Variants in SHISA9 observed in about 807,000 individuals in gnomAD.
The protein encoded by SHISA9 is shisa family member 9.
A neutral mutation model predicts 38.0 loss-of-function variants in SHISA9; 13 were observed. That is an observed-to-expected ratio of 0.34 (90% CI 0.22 to 0.54). SHISA9 has a LOEUF of 0.54. SHISA9 is among the 20% of genes least tolerant of loss of function. SHISA9 has a pLI of 0.91. For missense variants in SHISA9, 538 were observed against 575.8 expected (o/e 0.93, Z 0.67); for synonymous variants, 275 against 242.0 (o/e 1.14, Z -1.27).
chr16:13,145,646 A>C (rs1005726880), intron 2 of SHISA9, among the ~76,000 whole-genome samples: 3 of 152,212 alleles, frequency 2.0e-5, no homozygotes, highest in African/African-American at 7.2e-5. Flanking sequence ...ATTTTTGTTG[A>C]GAGAATTAAA....
the SHISA9 span, among the ~76,000 whole-genome samples, chr16:13,279,870 G>A: frequency 6.6e-6 from 1 of 151,756 alleles, no homozygotes; most frequent in African/African-American, 2.4e-5. Context: ...CTCCAGTAAT[G>A]CTCTTTGTAT....
chr16:12,972,035 T>C (rs1391977672), intron 2 of SHISA9, among the ~76,000 whole-genome samples: 1 of 106,016 alleles, frequency 9.4e-6, no homozygotes, highest in Non-Finnish European at 2.1e-5. Flanking sequence ...TCTGCTCTCT[T>C]GGAGTTTGTG....
chr16:13,003,204 C>A (rs993226032), intron 2 of SHISA9, among the ~76,000 whole-genome samples: 1 of 152,168 alleles, frequency 6.6e-6, no homozygotes, highest in African/African-American at 2.4e-5. Flanking sequence ...TCAAACCCTG[C>A]AGGTCTTGTA....
chr16:12,980,463 A>T (rs760957201), intron 2 of SHISA9, among the ~76,000 whole-genome samples: 1 of 152,086 alleles, frequency 6.6e-6, no homozygotes, highest in Non-Finnish European at 1.5e-5. Context: ...TGACATCAAG[A>T]TAATTTCTTT....
chr16:13,030,568 C>G (rs563573476), intron 2 of SHISA9, among the ~76,000 whole-genome samples: 7 of 152,254 alleles, frequency 4.6e-5, no homozygotes, highest in South Asian at 2.1e-4. Flanking sequence ...GATTTCAGAG[C>G]CTGCTTCTTA....
chr16:13,316,467 C>G, the SHISA9 span, among the ~76,000 whole-genome samples: 2 of 152,284 alleles, frequency 1.3e-5, no homozygotes, highest in Non-Finnish European at 2.9e-5. Flanking sequence ...CATGAGGGAT[C>G]TACTTTGAGC....
chr16:13,370,198 C>G, the SHISA9 span, among the ~76,000 whole-genome samples: 2 of 152,202 alleles, frequency 1.3e-5, no homozygotes, highest in Admixed American at 1.3e-4. Context: ...CGCCTCCTGG[C>G]TTGGTAACGA....
the SHISA9 span, among the ~76,000 whole-genome samples, chr16:13,269,190 CTG>C: frequency 6.6e-6 from 1 of 152,206 alleles, no homozygotes; most frequent in African/African-American, 2.4e-5. Flanking sequence ...AAGCAAAACA[CTG>C]TAGGGCTTTT....
chr16:13,434,275 C>G, the SHISA9 span, among the ~76,000 whole-genome samples: 8 of 152,158 alleles, frequency 5.3e-5, no homozygotes, highest in African/African-American at 1.7e-4. Context: ...TGAGGGTAGG[C>G]CTTCCTTTCT....
At chr16:12,942,189 C>T (rs1259261728) in intron 2 of SHISA9, among the ~76,000 whole-genome samples, 1 of 152,220 alleles carries the variant, frequency 6.6e-6, no homozygotes. Flanking sequence ...TCTGTGCAAC[C>T]CTTCTCAGGG....
chr16:12,949,686 A>T (rs557863032), intron 2 of SHISA9, among the ~76,000 whole-genome samples: 1 of 152,342 alleles, frequency 6.6e-6, no homozygotes, highest in East Asian at 1.9e-4. Flanking sequence ...TAAATAAAAC[A>T]TATGACATAT....
chr16:13,293,526 A>C, the SHISA9 span, among the ~76,000 whole-genome samples: 2 of 152,206 alleles, frequency 1.3e-5, no homozygotes, highest in South Asian at 4.1e-4. Context: ...AAATGGAGGA[A>C]GTAGTAGAAC....
intron 2 of SHISA9, among the ~76,000 whole-genome samples, chr16:13,045,919 A>G (rs2073183139): frequency 6.6e-6 from 1 of 152,152 alleles, no homozygotes; most frequent in African/African-American, 2.4e-5. Flanking sequence ...AGACCTTTTG[A>G]CGAGTCTGCA....
chr16:13,452,162 T>G, the SHISA9 span, among the ~76,000 whole-genome samples: 1 of 152,230 alleles, frequency 6.6e-6, no homozygotes, highest in South Asian at 2.1e-4. Context: ...ATGGGCTGGC[T>G]TCCCGAAGAC....
chr16:13,329,171 G>T, the SHISA9 span, among the ~76,000 whole-genome samples: 177 of 152,238 alleles, frequency 1.2e-3, no homozygotes, highest in African/African-American at 4.2e-3. Context: ...TTCCCTGCTC[G>T]CTAAGTAAAT....
intron 2 of SHISA9, among the ~76,000 whole-genome samples, chr16:13,013,028 G>GTC (rs1166841782): frequency 6.6e-6 from 1 of 152,008 alleles, no homozygotes; most frequent in Admixed American, 6.6e-5. Context: ...CCTGCTGCCT[G>GTC]TCTCTCTCTC....
At chr16:13,091,751 C>G (rs1035761970) in intron 2 of SHISA9, among the ~76,000 whole-genome samples, 1 of 152,190 alleles carries the variant, frequency 6.6e-6, no homozygotes, top group Non-Finnish European at 1.5e-5. Flanking sequence ...CACACATCCT[C>G]CTTTAGCTCG....
chr16:13,311,149 T>C, the SHISA9 span, among the ~76,000 whole-genome samples: 4 of 152,112 alleles, frequency 2.6e-5, no homozygotes, highest in Non-Finnish European at 4.4e-5. Flanking sequence ...GTCTGCCTGA[T>C]TCTTCTTGCT....
the SHISA9 span, among the ~76,000 whole-genome samples, chr16:13,461,606 C>CT: frequency 2.8e-3 from 359 of 128,566 alleles, 2 homozygotes; most frequent in African/African-American, 7.8e-3. Context: ...TATAGACTTT[C>CT]TTTTTTTTTT....
Sources: allele counts gnomAD v4.1 joint callset (sites outside exome capture counted in the v4.1 genomes callset), GRCh38; gene constraint gnomAD v4.1.1; transcripts MANE v1.5; gene names NCBI Gene and HGNC (gene_info 2026-07-23, HGNC 2026-07-21).